TMEM135: variants seen among roughly 807,000 people sequenced by gnomAD.
TMEM135 encodes peroxisomal membrane protein 52.
TMEM135 carries 30 observed loss-of-function variants against 60.3 expected under a neutral mutation model. That is an observed-to-expected ratio of 0.50 (90% CI 0.37 to 0.68). TMEM135 has a LOEUF of 0.68. TMEM135 is among the 30% of genes least tolerant of loss of function. TMEM135 has a pLI of 0.00. For synonymous variants in TMEM135, 190 were observed against 186.7 expected, an observed-to-expected ratio of 1.02 and a Z score of -0.14; for missense variants, 468 against 548.8, an observed-to-expected ratio of 0.85 and a Z score of 1.47.
intron 6 of TMEM135, among the ~76,000 whole-genome samples, chr11:87,256,306 T>C (rs535464525): frequency 3.3e-4 from 50 of 152,304 alleles, no homozygotes; most frequent in Non-Finnish European, 6.5e-4. Flanking sequence ...GCTTGAGATA[T>C]AAATATAATC....
chr11:87,276,291 T>C (rs1190017397), intron 6 of TMEM135, among the ~76,000 whole-genome samples: 1 of 152,154 alleles, frequency 6.6e-6, no homozygotes, highest in African/African-American at 2.4e-5. Context: ...ATAACAGTCT[T>C]ATATAGTAAG....
At chr11:87,199,808 T>C (rs983847554) in intron 5 of TMEM135, among the ~76,000 whole-genome samples, 3 of 152,090 alleles carry the variant, frequency 2.0e-5, no homozygotes, top group Non-Finnish European at 4.4e-5. Context: ...CACGCGCCTG[T>C]AATCCCAGCT....
In TMEM135 at chr11:87,157,324, T is replaced by G. The variant is rs374773655; in HGVS notation, c.397-17T>G. 12 of 1,611,542 alleles carry G rather than the reference T, an allele frequency of 7.4e-6. No homozygotes were observed. Among genetic ancestry groups the G allele is most frequent in the South Asian group, 2.2e-5 (2 of 90,878 alleles). The stretch of plus-strand genomic sequence containing the variant: ...GTAGATCATATATTTTTGCTGTTTT[T>G]TTTTTTTAATTTACAGGCCACAGAA... On this transcript the variant is annotated splice_polypyrimidine_tract_variant and intron_variant, in intron 4 of 14. Coordinates refer to ENST00000305494, the MANE Select transcript of TMEM135 (RefSeq NM_022918.4).
At chr11:87,247,559 G>A (rs1168514150) in intron 6 of TMEM135, among the ~76,000 whole-genome samples, 2 of 152,132 alleles carry the variant, frequency 1.3e-5, no homozygotes, top group Non-Finnish European at 2.9e-5. Flanking sequence ...CTGGGCAATG[G>A]CAGGCACCCC....
intron 5 of TMEM135, among the ~76,000 whole-genome samples, chr11:87,233,308 C>G (rs1940927678): frequency 6.6e-6 from 1 of 151,958 alleles, no homozygotes; most frequent in Non-Finnish European, 1.5e-5. Context: ...GTCTAAATAT[C>G]TCAATTAAGA....
In TMEM135 at chr11:87,038,203, G is replaced by T; in HGVS notation, c.141+17G>T. 1 of 1,613,880 alleles carries T rather than the reference G, an allele frequency of 6.2e-7. No individual in the cohort carries two copies. Among genetic ancestry groups the T allele is most frequent in the Non-Finnish European group, 8.5e-7 (1 of 1,179,946 alleles). On this transcript the variant is annotated intron_variant, in intron 1 of 14. Transcript: ENST00000305494. ...CTGTACTTGGTGAGACCCGTCACCC[G>T]TCCCGCAGGGCGAGTTTAGTCTGGA...
intron 6 of TMEM135, among the ~76,000 whole-genome samples, chr11:87,261,638 C>CT (rs890903180): frequency 9.3e-5 from 14 of 151,254 alleles, no homozygotes; most frequent in East Asian, 3.9e-4. Flanking sequence ...TTCTAGAATT[C>CT]TTTTTTTTTG....
At chr11:87,096,896 C>T (rs1306834529) in intron 4 of TMEM135, among the ~76,000 whole-genome samples, 1 of 152,052 alleles carries the variant, frequency 6.6e-6, no homozygotes, top group Non-Finnish European at 1.5e-5. Context: ...GGCTTGGCAC[C>T]CTAGGATGTA....
chr11:87,194,773 C>A (rs1409476832), intron 5 of TMEM135, among the ~76,000 whole-genome samples: 2 of 152,130 alleles, frequency 1.3e-5, no homozygotes, highest in Non-Finnish European at 2.9e-5. Context: ...GAAAACCTAA[C>A]TAAATCCAGT....
chr11:87,089,234 A>G (rs368124834), intron 3 of TMEM135, among the ~76,000 whole-genome samples: 5 of 152,114 alleles, frequency 3.3e-5, no homozygotes, highest in African/African-American at 9.7e-5. Flanking sequence ...AGCTCATTTC[A>G]CCTTGAAATG....
In TMEM135 at chr11:87,327,340, A is replaced by G. The variant is rs1590876259; in HGVS notation, c.*6007A>G. Reference sequence around the variant, plus strand: ...TTGCAGACATGAAATGAAAAGTACAAACATGAAAAACCAGCATATTAAAGA... The same window carrying G: ...TTGCAGACATGAAATGAAAAGTACAGACATGAAAAACCAGCATATTAAAGA... On this transcript the variant is annotated 3_prime_UTR_variant, in exon 15 of 15. Coordinates refer to ENST00000305494, the MANE Select transcript of TMEM135 (RefSeq NM_022918.4). 2.2e-6 allele frequency: 1 copy of G among 453,988 alleles called. No individual in the cohort carries two copies. The highest frequency in any genetic ancestry group is 2.0e-5 in the African/African-American group (1 of 50,068). The allele number at this position is 453,988 out of a possible 1,614,324, so 28.1% of individuals were successfully genotyped here.
At chr11:87,076,346 C>G (rs896703347) in intron 3 of TMEM135, among the ~76,000 whole-genome samples, 2 of 152,204 alleles carry the variant, frequency 1.3e-5, no homozygotes, top group African/African-American at 4.8e-5. Context: ...TTCTGACTGG[C>G]CACTGCTGAT....
At position 87,328,246 on chromosome 11, in the gene TMEM135, C is replaced by G. The variant is rs1942943245; in HGVS notation, c.*6913C>G. The G allele has an allele frequency of 2.2e-6, 1 of 453,914 alleles. No homozygotes were observed. The highest frequency in any genetic ancestry group is 4.4e-6 in the Non-Finnish European group (1 of 226,798). 28.1% of individuals were successfully genotyped at this position (453,914 alleles called of 1,614,324 possible). ...TCTTGATTTAGAATTCTCTTTTTCT[C>G]CACTCTTCTGTGTATGCTAAAATAC... On this transcript the variant is annotated 3_prime_UTR_variant, in exon 15 of 15. Coordinates refer to ENST00000305494, the MANE Select transcript of TMEM135 (RefSeq NM_022918.4).
chr11:87,259,127 G>A, intron 6 of TMEM135: 3 of 724,248 alleles, frequency 4.1e-6, no homozygotes, highest in East Asian at 2.8e-5. Context: ...TCTCCATCAG[G>A]CCCCATAGTC....
At chr11:87,152,506 C>G (rs753385164) in intron 4 of TMEM135, among the ~76,000 whole-genome samples, 1 of 152,204 alleles carries the variant, frequency 6.6e-6, no homozygotes, top group Non-Finnish European at 1.5e-5. Context: ...CCAGGCTGGG[C>G]TTGGCTCACT....
At chr11:87,129,476 C>T (rs1370758247) in intron 4 of TMEM135, among the ~76,000 whole-genome samples, 7 of 151,490 alleles carry the variant, frequency 4.6e-5, no homozygotes, top group African/African-American at 1.7e-4. Flanking sequence ...CTCCTGACCT[C>T]AGGTAATCCG....
chr11:87,103,471 TG>T (rs1183692993), intron 4 of TMEM135, among the ~76,000 whole-genome samples: 2 of 100,768 alleles, frequency 2.0e-5, no homozygotes, highest in Non-Finnish European at 3.8e-5. Context: ...GTGTTAGCCA[TG>T]TTTTTTTTGT....
At chr11:87,052,924 A>C (rs1949851410) in intron 1 of TMEM135, among the ~76,000 whole-genome samples, 1 of 87,756 alleles carries the variant, frequency 1.1e-5, no homozygotes, top group African/African-American at 4.5e-5. Context: ...CAAATGTCCA[A>C]CAATGATAGA....
chr11:87,261,665 A>C (rs576666346), intron 6 of TMEM135, among the ~76,000 whole-genome samples: 1 of 151,948 alleles, frequency 6.6e-6, no homozygotes, highest in Non-Finnish European at 1.5e-5. Flanking sequence ...GCTTTCATTT[A>C]CCCTGGAGTG....
Sources: allele counts gnomAD v4.1 joint callset (sites outside exome capture counted in the v4.1 genomes callset), GRCh38; gene constraint gnomAD v4.1.1; transcripts MANE v1.5; gene names NCBI Gene and HGNC (gene_info 2026-07-23, HGNC 2026-07-21).